Variants in ADAM28 observed in about 807,000 individuals in gnomAD.
ADAM28 encodes the protein disintegrin and metalloproteinase domain-containing protein 28.
A neutral mutation model predicts 101.2 loss-of-function variants in ADAM28; 105 were observed. The ratio of observed to expected loss-of-function variants is 1.04; its 90% CI spans 0.89 to 1.22. The LOEUF (loss-of-function observed/expected upper bound fraction) is 1.22. Ranked by LOEUF, ADAM28 falls within the 50% of genes most tolerant of loss-of-function variation. The pLI is 0.00. For synonymous variants in ADAM28, 322 were observed against 310.6 expected (o/e 1.04, Z -0.39); for missense variants, 1,028 against 945.4 (o/e 1.09, Z -1.15).
rs564029249 is a variant in ADAM28 at position 24,329,893 on chromosome 8, G to C, written c.973-92G>C. ...TTTGTGTGTGTGTGTGTGTGAGAGAGAGAGAGAGAGAGAGAGAGAGAGATG... is the reference window on the plus strand; with the variant it reads ...TTTGTGTGTGTGTGTGTGTGAGAGACAGAGAGAGAGAGAGAGAGAGAGATG... On this transcript the variant is annotated intron_variant, in intron 10 of 22. Coordinates refer to ENST00000265769, the MANE Select transcript of ADAM28 (RefSeq NM_014265.6). The C allele has an allele frequency of 4.6e-5, 56 of 1,209,764 alleles. No homozygotes were observed. The Middle Eastern group carries it at 9.9e-4, about 21-fold the overall frequency. The allele number at this position is 1,209,764 out of a possible 1,614,324, so 74.9% of individuals were successfully genotyped here.
intron 9 of ADAM28, among the ~76,000 whole-genome samples, chr8:24,324,634 G>A (rs1317934681): frequency 3.3e-5 from 5 of 151,970 alleles, no homozygotes; most frequent in Admixed American, 3.3e-4. Flanking sequence ...ATTAGTTAAT[G>A]TTTCTGTGCT....
chr8:24,295,469 G>GT (rs33942623), intron 1 of ADAM28, among the ~76,000 whole-genome samples: 2,217 of 152,136 alleles, frequency 0.015, 28 homozygotes, highest in Non-Finnish European at 0.024. Context: ...TAATAGAAAT[G>GT]TTTTTTTCTC....
chr8:24,300,052 G>A lies in ADAM28; in HGVS notation c.125G>A (p.Arg42Lys). The part of the protein sequence containing the change: ...YPIRLHPLHK[R>K]EAKEPEQQEQ... ...ATAAGACTTCATCCACTGCATAAAA[G>A]AGAGGCCAAAGAGCCAGAGCAACAG... Residue 42 changes from arginine to lysine, a missense_variant, in exon 2 of 23, where the codon AGA (arginine) becomes AAA (lysine). Physicochemically the swap from Arg to Lys is conservative, Grantham distance 26. Transcript: ENST00000265769. 17 of 1,613,682 alleles carry A rather than the reference G, an allele frequency of 1.1e-5. No homozygotes were observed. Among genetic ancestry groups the A allele is most frequent in the Non-Finnish European group, 1.4e-5 (17 of 1,179,960 alleles).
chr8:24,340,597 A>G (rs1814643615), intron 15 of ADAM28, among the ~76,000 whole-genome samples: 1 of 152,172 alleles, frequency 6.6e-6, no homozygotes. Flanking sequence ...TAGTGGCTCA[A>G]GCAGCTCCTT....
In ADAM28 at chr8:24,344,481, G is replaced by A. The variant is rs78395924; in HGVS notation, c.1990+897G>A. On this transcript the variant is annotated intron_variant, in intron 18 of 22. Transcript: ENST00000265769. The stretch of plus-strand genomic sequence containing the variant: ...TTGTTCTATATACACAGGAGATGAA[G>A]TAGACCTCAGTGAGATATCTGCCCC... 7.5e-3 allele frequency among the ~76,000 whole-genome samples: 1,144 copies of A among 152,270 alleles called. 17 individuals carry two copies. Among genetic ancestry groups the A allele is most frequent in the African/African-American group, 0.027 (1,104 of 41,554 alleles).
In ADAM28 at chr8:24,313,371, C is replaced by A; in HGVS notation, c.384-17C>A. The A allele has an allele frequency of 6.3e-7, 1 of 1,593,182 alleles. No individual in the cohort carries two copies. Among genetic ancestry groups the A allele is most frequent in the Non-Finnish European group, 8.5e-7 (1 of 1,170,576 alleles). On this transcript the variant is annotated splice_polypyrimidine_tract_variant and intron_variant, in intron 5 of 22. Transcript: ENST00000265769. Reference sequence around the variant, plus strand: ...AACAATATTTGTTAAGAAGCCAGAACTCTCATGTTTTTTCAGGGGCTACTT... The same window carrying A: ...AACAATATTTGTTAAGAAGCCAGAAATCTCATGTTTTTTCAGGGGCTACTT...
intron 16 of ADAM28, among the ~76,000 whole-genome samples, chr8:24,342,004 C>T (rs1011837366): frequency 2.0e-5 from 3 of 152,134 alleles, no homozygotes; most frequent in African/African-American, 7.2e-5. Context: ...AAATAATTGA[C>T]TCTCATAGTC....
intron 16 of ADAM28, 150 bp downstream of exon 16, chr8:24,341,907 A>G (rs937354885): frequency 9.8e-6 from 9 of 915,448 alleles, no homozygotes; most frequent in Non-Finnish European, 1.5e-5. Flanking sequence ...TGAATTTGGA[A>G]CACAGAAATG....
chr8:24,331,360 T>A (rs1813338879), intron 12 of ADAM28, 33 bp downstream of exon 12: 1 of 1,565,840 alleles, frequency 6.4e-7, no homozygotes, highest in African/African-American at 1.4e-5. Context: ...ACGATCTAGT[T>A]GGTTTTTCAG....
chr8:24,296,757 A>T (rs1194376123), intron 1 of ADAM28, among the ~76,000 whole-genome samples: 1 of 152,246 alleles, frequency 6.6e-6, no homozygotes, highest in African/African-American at 2.4e-5. Context: ...GAAGGCAAGT[A>T]TTAAAATGAA....
chr8:24,294,207 GCT>G lies in ADAM28; in HGVS notation c.46+15_46+16del. On this transcript the variant is annotated intron_variant, in intron 1 of 22. Transcript: ENST00000265769. The stretch of plus-strand genomic sequence containing the variant: ...CCTCTCTGTTGCAGGTACATATTTA[GCT>G]CTTTTTCAGGTTCTATTGAATGCAT... The G allele has an allele frequency of 3.7e-6, 6 of 1,613,966 alleles. No individual in the cohort carries two copies. Among genetic ancestry groups the G allele is most frequent in the Non-Finnish European group, 5.1e-6 (6 of 1,179,892 alleles).
intron 2 of ADAM28, 125 bp from the exon 3 acceptor site, chr8:24,309,769 A>T: frequency 1.5e-6 from 1 of 650,268 alleles, no homozygotes; most frequent in Non-Finnish European, 2.7e-6. Flanking sequence ...AGAGGGGAAG[A>T]GGCAAGTATT....
At chr8:24,351,151 G>A in intron 19 of ADAM28, 81 bp from the exon 20 acceptor site, 1 of 1,180,830 alleles carries the variant, frequency 8.5e-7, no homozygotes, top group Non-Finnish European at 1.2e-6. Context: ...GGAAAAAGAA[G>A]TTGGGAATCT....
intron 18 of ADAM28, among the ~76,000 whole-genome samples, chr8:24,344,214 A>G (rs868408018): frequency 6.6e-6 from 1 of 152,156 alleles, no homozygotes; most frequent in African/African-American, 2.4e-5. Context: ...GGAAGGAGCC[A>G]GAGTGGGGAC....
In ADAM28 at chr8:24,336,180, G is replaced by T. The variant is rs1814024038; in HGVS notation, c.1567+539G>T. The T allele has an allele frequency of 1.2e-5, 12 of 984,202 alleles. No homozygotes were observed. In the South Asian group the frequency reaches 5.6e-4, roughly 46 times the overall value. The allele number at this position is 984,202 out of a possible 1,614,324, so 61.0% of individuals were successfully genotyped here. A position where few individuals can be genotyped will look rare whatever the true frequency, so the allele number is the denominator to read the frequency against. ...GTGAAAGTTCTTAAATGGTCGCTTT[G>T]TCCATAATGCCAAAATTTTAGAGAC... On this transcript the variant is annotated intron_variant, in intron 14 of 22. Transcript: ENST00000265769.
At chr8:24,300,192 G>GC in intron 2 of ADAM28, 115 bp downstream of exon 2, 1 of 698,008 alleles carries the variant, frequency 1.4e-6, no homozygotes, top group Non-Finnish European at 2.2e-6. Flanking sequence ...GTTTATATAT[G>GC]TGTGTGTGTG....
intron 18 of ADAM28, among the ~76,000 whole-genome samples, chr8:24,346,300 C>A (rs1203581211): frequency 6.6e-6 from 1 of 152,028 alleles, no homozygotes; most frequent in Non-Finnish European, 1.5e-5. Flanking sequence ...TATCTCATTG[C>A]AGTTGTTGAA....
At chr8:24,299,884 C>T (rs1808475571) in intron 1 of ADAM28, 90 bp from the exon 2 acceptor site, 2 of 887,758 alleles carry the variant, frequency 2.3e-6, no homozygotes, top group South Asian at 3.2e-5. Context: ...TGTGTGGCAT[C>T]GTTCATTGGG....
chr8:24,294,252 T>A, intron 1 of ADAM28, 57 bp downstream of exon 1: 1 of 1,557,616 alleles, frequency 6.4e-7, no homozygotes, highest in Non-Finnish European at 8.9e-7. Flanking sequence ...CTTTTCATAG[T>A]CTCCTAATAG....
Sources: allele counts gnomAD v4.1 joint callset (sites outside exome capture counted in the v4.1 genomes callset), GRCh38; gene constraint gnomAD v4.1.1; transcripts MANE v1.5; gene names NCBI Gene and HGNC (gene_info 2026-07-23, HGNC 2026-07-21).